The following PLCB4 variants were observed in gnomAD, a reference collection of about 807,000 sequenced individuals.
The protein encoded by PLCB4 is phospholipase C beta 4, also known as 1-phosphatidylinositol 4,5-bisphosphate phosphodiesterase beta-4.
PLCB4 carries 77 observed loss-of-function variants against 178.8 expected under a neutral mutation model. The observed-to-expected ratio is 0.43, with a 90% CI of 0.36 to 0.52. PLCB4 has a LOEUF of 0.52. PLCB4 is among the 20% of genes least tolerant of loss of function. The pLI is 0.00. For synonymous variants in PLCB4, 496 were observed against 490.8 expected (o/e 1.01, Z -0.14); for missense variants, 1,024 against 1,453.4 (o/e 0.70, Z 4.80).
rs547517504 is a variant in PLCB4 at position 9,133,220 on chromosome 20, G to A, written c.-79+36878G>A. ...CTCATAGTCTGTGGGTTTTATCATT[G>A]TGCTTTGTGCATACTTCTGTTTTTC... On this transcript the variant is annotated intron_variant, in intron 2 of 39. Coordinates refer to ENST00000378473, the MANE Select transcript of PLCB4 (RefSeq NM_001377142.1). Among the ~76,000 whole-genome samples, 7 of 152,124 alleles carry A rather than the reference G, an allele frequency of 4.6e-5. No homozygotes were observed. The South Asian group carries it at 1.5e-3, about 32-fold the overall frequency.
chr20:9,453,200 A>T lies in PLCB4; in HGVS notation c.2881-147A>T, dbSNP rs1022661143. 1.1e-5 allele frequency: 6 copies of T among 551,142 alleles called. No individual in the cohort carries two copies. In the African/African-American group the frequency reaches 1.1e-4, roughly 10 times the overall value. 34.1% of individuals were successfully genotyped at this position (551,142 alleles called of 1,614,324 possible). A position where few individuals can be genotyped will look rare whatever the true frequency, so the allele number is the denominator to read the frequency against. On this transcript the variant is annotated intron_variant, in intron 32 of 39. Transcript: ENST00000378473. The stretch of plus-strand genomic sequence containing the variant: ...CAAAAAAACCGGTGTTGAATGGGAG[A>T]TCTGGAGTCTGTACTGTTCTCAGAT...
At chr20:9,412,415 T>G (rs566247792) in intron 25 of PLCB4, among the ~76,000 whole-genome samples, 1 of 152,258 alleles carries the variant, frequency 6.6e-6, no homozygotes, top group East Asian at 1.9e-4. Context: ...GCAGGTGTGT[T>G]AGACCCAGAG....
At chr20:9,364,851 G>A (rs1454242240) in intron 8 of PLCB4, among the ~76,000 whole-genome samples, 1 of 152,302 alleles carries the variant, frequency 6.6e-6, no homozygotes, top group Non-Finnish European at 1.5e-5. Flanking sequence ...CCTGGGGAAA[G>A]CAAGGAATTT....
intron 7 of PLCB4, among the ~76,000 whole-genome samples, chr20:9,341,058 A>T (rs1321399336): frequency 6.6e-6 from 1 of 152,102 alleles, no homozygotes; most frequent in Non-Finnish European, 1.5e-5. Context: ...CCAACCTAAA[A>T]CCAGGTCTTC....
At chr20:9,189,703 G>A (rs995839887) in intron 2 of PLCB4, among the ~76,000 whole-genome samples, 2 of 152,174 alleles carry the variant, frequency 1.3e-5, no homozygotes, top group African/African-American at 4.8e-5. Flanking sequence ...AGATCCAGGT[G>A]CCAGTAGACT....
At chr20:9,476,687 A>G in intron 38 of PLCB4, 30 bp from the exon 39 acceptor site, 1 of 1,542,500 alleles carries the variant, frequency 6.5e-7, no homozygotes, top group East Asian at 2.2e-5. Flanking sequence ...GTATGACTCA[A>G]TTTTGACATT....
chr20:9,366,116 A>G (rs1304978731), intron 9 of PLCB4, among the ~76,000 whole-genome samples: 7 of 152,124 alleles, frequency 4.6e-5, no homozygotes, highest in African/African-American at 1.2e-4. Context: ...GAGGCAGGGC[A>G]TGGTGGCTCA....
At chr20:9,199,645 C>T (rs1185072422) in intron 2 of PLCB4, among the ~76,000 whole-genome samples, 1 of 152,138 alleles carries the variant, frequency 6.6e-6, no homozygotes, top group Non-Finnish European at 1.5e-5. Flanking sequence ...AATCATTATT[C>T]TTAGTCTTGA....
rs184761995 is a variant in PLCB4 at position 9,145,160 on chromosome 20, A to G, written c.-79+48818A>G. Among the ~76,000 whole-genome samples the G allele has an allele frequency of 2.2e-3, 335 of 152,236 alleles. 1 individual carries two copies. The highest frequency in any genetic ancestry group is 7.6e-3 in the African/African-American group (316 of 41,562). On this transcript the variant is annotated intron_variant, in intron 2 of 39. Transcript: ENST00000378473. ...TGAGTGAAAACAAAAATATTTCTCC[A>G]GTATGTTTTTGTGATGAGAAGCAGG...
chr20:9,235,114 C>A (rs2147373643), intron 3 of PLCB4, among the ~76,000 whole-genome samples: 1 of 152,140 alleles, frequency 6.6e-6, no homozygotes, highest in Admixed American at 6.5e-5. Context: ...AAAGGGACAC[C>A]TAAGGACTGT....
At position 9,323,300 on chromosome 20, in the gene PLCB4, A is replaced by G. The variant is rs534544864; in HGVS notation, c.85-13826A>G. Among the ~76,000 whole-genome samples, 134 of 152,202 alleles carry G rather than the reference A, an allele frequency of 8.8e-4. No homozygotes were observed. In the South Asian group the frequency reaches 0.011, roughly 13 times the overall value. ...CATTCTCCAAGAGGCCTTCTTACTC[A>G]CCTACACACACAGGCTCCTGACCCT... On this transcript the variant is annotated intron_variant, in intron 4 of 39. Transcript: ENST00000378473.
chr20:9,474,645 A>G (rs2044420473), intron 38 of PLCB4, among the ~76,000 whole-genome samples: 1 of 152,120 alleles, frequency 6.6e-6, no homozygotes, highest in African/African-American at 2.4e-5. Context: ...CTTAAGTAGG[A>G]ATTATACTAA....
At chr20:9,402,747 G>A (rs1425011185) in intron 20 of PLCB4, among the ~76,000 whole-genome samples, 1 of 152,204 alleles carries the variant, frequency 6.6e-6, no homozygotes, top group African/African-American at 2.4e-5. Flanking sequence ...ATGTGGGAAT[G>A]AGAGAGAAAG....
chr20:9,470,801 T>A (rs900211479), intron 36 of PLCB4, among the ~76,000 whole-genome samples: 3 of 152,236 alleles, frequency 2.0e-5, no homozygotes, highest in South Asian at 2.1e-4. Flanking sequence ...CCAAGTACTA[T>A]ACATTTGTGG....
intron 3 of PLCB4, among the ~76,000 whole-genome samples, chr20:9,288,854 A>G (rs889072887): frequency 6.6e-6 from 1 of 152,108 alleles, no homozygotes; most frequent in African/African-American, 2.4e-5. Context: ...TAGATTCCAT[A>G]TTTTAAGACA....
intron 1 of PLCB4, among the ~76,000 whole-genome samples, chr20:9,085,104 T>G (rs529377677): frequency 2.0e-4 from 31 of 152,162 alleles, no homozygotes; most frequent in Admixed American, 1.8e-3. Flanking sequence ...ATATTATTAC[T>G]TGAGTGAGCT....
At chr20:9,221,803 C>G (rs1195173775) in intron 3 of PLCB4, among the ~76,000 whole-genome samples, 7 of 152,052 alleles carry the variant, frequency 4.6e-5, no homozygotes, top group Non-Finnish European at 8.8e-5. Context: ...TTTCAGTGCC[C>G]TGAAAGAAGA....
At chr20:9,189,421 T>G (rs1190700120) in intron 2 of PLCB4, among the ~76,000 whole-genome samples, 2 of 99,348 alleles carry the variant, frequency 2.0e-5, no homozygotes. Context: ...CTGTTCATTG[T>G]GGAGGGCTGT....
chr20:9,243,661 T>C (rs2147431719), intron 3 of PLCB4, among the ~76,000 whole-genome samples: 1 of 152,324 alleles, frequency 6.6e-6, no homozygotes, highest in Middle Eastern at 3.4e-3. Context: ...CGAATGTATC[T>C]GGAAGTTTGG....
Sources: gnomAD v4.1 joint callset for allele counts (sites outside exome capture counted in the v4.1 genomes callset) on GRCh38, gnomAD v4.1.1 for gene constraint, MANE v1.5 for transcripts, NCBI Gene and HGNC (gene_info 2026-07-23, HGNC 2026-07-21) for gene names.